MAGI2: variants seen among roughly 807,000 people sequenced by gnomAD.
The protein encoded by MAGI2 is membrane-associated guanylate kinase, WW and PDZ domain-containing protein 2.
In MAGI2, 35 loss-of-function variants were observed where a neutral mutation model predicts 133.3. That is an observed-to-expected ratio of 0.26 (90% CI 0.20 to 0.35). MAGI2 has a LOEUF of 0.35. Among genes scored for constraint, MAGI2 ranks in the 10% least tolerant of loss-of-function variants. The pLI is 1.00. For synonymous variants in MAGI2, 729 were observed against 710.6 expected (o/e 1.03, Z -0.41); for missense variants, 1,636 against 1,863.4 (o/e 0.88, Z 2.25).
At chr7:79,279,803 A>G (rs1270126414) in intron 1 of MAGI2, among the ~76,000 whole-genome samples, 1 of 152,210 alleles carries the variant, frequency 6.6e-6, no homozygotes, top group Non-Finnish European at 1.5e-5. Context: ...CGTGACATTT[A>G]CCATAACATA....
chr7:78,134,112 A>T (rs1361447624), intron 17 of MAGI2: 1 of 152,234 alleles, frequency 6.6e-6, no homozygotes, highest in African/African-American at 2.4e-5. Flanking sequence ...CAATCAAGAC[A>T]GTCAAAAATG....
In MAGI2 at chr7:78,093,529, G is replaced by A. The variant is rs1817434854; in HGVS notation, c.3568-14444C>T. 2.6e-5 allele frequency among the ~76,000 whole-genome samples: 4 copies of A among 152,232 alleles called. No homozygotes were observed. In the South Asian group the frequency reaches 8.3e-4, roughly 32 times the overall value. ...CCTAACATATGTAGAATATTTGGTG[G>A]AGAACAAAATACAATTTGATGTGAA... On this transcript the variant is annotated intron_variant, in intron 20 of 21. Coordinates refer to ENST00000354212, the MANE Select transcript of MAGI2 (RefSeq NM_012301.4).
chr7:78,786,750 A>G (rs1369481054), intron 2 of MAGI2, among the ~76,000 whole-genome samples: 1 of 152,168 alleles, frequency 6.6e-6, no homozygotes, highest in Non-Finnish European at 1.5e-5. Flanking sequence ...AGTGCTTATC[A>G]GTATCTGACA....
intron 2 of MAGI2, among the ~76,000 whole-genome samples, chr7:78,646,042 CAAA>C (rs965541273): frequency 2.0e-5 from 3 of 152,118 alleles, no homozygotes; most frequent in Admixed American, 6.5e-5. Flanking sequence ...CCTGGCCCAG[CAAA>C]AGTATTTTTA....
chr7:78,136,119 CTTT>C (rs35457952), intron 16 of MAGI2, among the ~76,000 whole-genome samples: 7 of 141,760 alleles, frequency 4.9e-5, no homozygotes, highest in Admixed American at 7.0e-5. Context: ...TTTCTTTCTT[CTTT>C]TTTTTTTTTT....
chr7:78,183,428 GC>G (rs1254664891), intron 13 of MAGI2, among the ~76,000 whole-genome samples: 2 of 151,902 alleles, frequency 1.3e-5, no homozygotes, highest in Non-Finnish European at 2.9e-5. Flanking sequence ...ACCACGCCCA[GC>G]TAATTTTTGT....
chr7:78,549,154 A>G (rs1319179792), intron 3 of MAGI2, among the ~76,000 whole-genome samples: 5 of 152,146 alleles, frequency 3.3e-5, no homozygotes, highest in Non-Finnish European at 7.3e-5. Context: ...AAAATTGTGG[A>G]CTTTGAGAAT....
At chr7:79,193,494 T>C (rs1306585784) in intron 1 of MAGI2, among the ~76,000 whole-genome samples, 1 of 151,974 alleles carries the variant, frequency 6.6e-6, no homozygotes, top group Non-Finnish European at 1.5e-5. Context: ...TATTATGAGT[T>C]GTGTAATTTT....
chr7:78,082,327 G>T (rs759964015), intron 20 of MAGI2, among the ~76,000 whole-genome samples: 1 of 152,116 alleles, frequency 6.6e-6, no homozygotes, highest in Non-Finnish European at 1.5e-5. Context: ...TGAAAGCTAC[G>T]GGGGAGGAGG....
intron 2 of MAGI2, among the ~76,000 whole-genome samples, chr7:78,630,328 T>G (rs935414826): frequency 5.3e-5 from 8 of 152,140 alleles, no homozygotes; most frequent in African/African-American, 1.9e-4. Context: ...ATCTTGTGTT[T>G]AGATTAGTGT....
At chr7:78,541,056 G>A (rs1233328341) in intron 3 of MAGI2, among the ~76,000 whole-genome samples, 1 of 152,152 alleles carries the variant, frequency 6.6e-6, no homozygotes, top group Non-Finnish European at 1.5e-5. Flanking sequence ...TTCATGATGT[G>A]AGTCTCCACA....
At chr7:78,988,608 G>C (rs769367847) in intron 2 of MAGI2, among the ~76,000 whole-genome samples, 1 of 152,052 alleles carries the variant, frequency 6.6e-6, no homozygotes, top group African/African-American at 2.4e-5. Flanking sequence ...TCTTCTGTAA[G>C]CTAGCTATTG....
At chr7:79,186,763 A>ATTTATACAAAAT (rs1216613254) in intron 1 of MAGI2, among the ~76,000 whole-genome samples, 1 of 111,542 alleles carries the variant, frequency 9.0e-6, no homozygotes, top group African/African-American at 2.7e-5. Flanking sequence ...ATATATATAT[A>ATTTATACAAAAT]TATATATATA....
At chr7:78,607,404 G>T (rs1405022168) in intron 3 of MAGI2, among the ~76,000 whole-genome samples, 1 of 151,664 alleles carries the variant, frequency 6.6e-6, no homozygotes, top group African/African-American at 2.4e-5. Flanking sequence ...CGGCTGGCAG[G>T]CCCAGTAGTT....
At chr7:78,403,570 G>T (rs1797101779) in intron 6 of MAGI2, among the ~76,000 whole-genome samples, 1 of 152,154 alleles carries the variant, frequency 6.6e-6, no homozygotes, top group African/African-American at 2.4e-5. Context: ...TTGAGGAATT[G>T]CCACACTGTC....
chr7:78,752,376 G>A (rs576686970), intron 2 of MAGI2, among the ~76,000 whole-genome samples: 1 of 152,196 alleles, frequency 6.6e-6, no homozygotes, highest in Non-Finnish European at 1.5e-5. Context: ...GCCGAGGTAG[G>A]TGGATCACCT....
intron 7 of MAGI2, among the ~76,000 whole-genome samples, chr7:78,361,254 T>G (rs1792759999): frequency 6.6e-6 from 1 of 151,620 alleles, no homozygotes; most frequent in African/African-American, 2.4e-5. Context: ...ATTAGCCGGG[T>G]GTGGTGGCAG....
chr7:79,374,937 C>T (rs185988006), intron 1 of MAGI2, among the ~76,000 whole-genome samples: 138 of 151,962 alleles, frequency 9.1e-4, no homozygotes, highest in Non-Finnish European at 1.7e-3. Context: ...CAGTTATCCA[C>T]CTACTATTTG....
intron 6 of MAGI2, among the ~76,000 whole-genome samples, chr7:78,402,451 G>A (rs1051404989): frequency 2.6e-5 from 4 of 151,948 alleles, no homozygotes; most frequent in African/African-American, 4.8e-5. Context: ...TGTCCACCTC[G>A]GGCGTGTGTG....
Sources: allele counts gnomAD v4.1 joint callset (sites outside exome capture counted in the v4.1 genomes callset), GRCh38; gene constraint gnomAD v4.1.1; transcripts MANE v1.5; gene names NCBI Gene and HGNC (gene_info 2026-07-23, HGNC 2026-07-21).